CHST4: variants seen among roughly 807,000 people sequenced by gnomAD.
CHST4 encodes carbohydrate sulfotransferase 4, also known as GST-3.
For synonymous variants in CHST4, 171 were observed against 195.5 expected (o/e 0.87, Z 1.05); for missense variants, 466 against 506.0 (o/e 0.92, Z 0.76).
Position 71,537,960 on chromosome 16 carries a change from G to T in CHST4, c.*122G>T. 2 of 905,110 alleles carry T rather than the reference G, an allele frequency of 2.2e-6. No individual in the cohort carries two copies. The highest frequency in any genetic ancestry group is 3.4e-6 in the Non-Finnish European group (2 of 593,330). The allele number at this position is 905,110 out of a possible 1,614,324, so 56.1% of individuals were successfully genotyped here. ...TGTCTGTGGGTATCACACTGAGTGT[G>T]AGTTGTGTCCACACGTGCTCAAGCA... On this transcript the variant is annotated 3_prime_UTR_variant, in exon 2 of 2. Coordinates refer to ENST00000539698, the MANE Select transcript of CHST4 (RefSeq NM_001166395.2). The surrounding 1 kb of genome is among the most constrained non-coding windows in gnomAD (Gnocchi z 4.2).
chr16:71,537,860 GCCA>G lies in CHST4; in HGVS notation c.*25_*27del. 1 of 1,581,842 alleles carries G rather than the reference GCCA, an allele frequency of 6.3e-7. No individual in the cohort carries two copies. Among genetic ancestry groups the G allele is most frequent in the Non-Finnish European group, 8.6e-7 (1 of 1,164,378 alleles). ...CTAAGAGGGTTGAGAAGGCTTTGCT[GCCA>G]CCTGGTGTCAGCCTCAGTCACTTTC... On this transcript the variant is annotated 3_prime_UTR_variant, in exon 2 of 2. Coordinates refer to ENST00000539698, the MANE Select transcript of CHST4 (RefSeq NM_001166395.2). The surrounding 1 kb of genome is among the most constrained non-coding windows in gnomAD (Gnocchi z 4.2).
intron 1 of CHST4, 44 bp from the exon 2 acceptor site, chr16:71,536,616 T>A (rs1325353812): frequency 2.1e-5 from 28 of 1,347,426 alleles, no homozygotes; most frequent in Non-Finnish European, 2.7e-5. Flanking sequence ...AGGCAAACAA[T>A]AAAACAGCAG....
At chr16:71,533,426 C>CAA (rs11299179) in intron 1 of CHST4, among the ~76,000 whole-genome samples, 3 of 98,408 alleles carry the variant, frequency 3.0e-5, no homozygotes. Flanking sequence ...GACTCTGTCT[C>CAA]AAAAAAAAAA....
At chr16:71,534,610 G>A (rs932844685) in intron 1 of CHST4, among the ~76,000 whole-genome samples, 2 of 151,776 alleles carry the variant, frequency 1.3e-5, no homozygotes, top group African/African-American at 4.8e-5. Context: ...CACCCGCCTC[G>A]GCCTCCAAAA....
At chr16:71,526,796 C>T (rs1196216151) in intron 1 of CHST4, among the ~76,000 whole-genome samples, 2 of 152,178 alleles carry the variant, frequency 1.3e-5, no homozygotes, top group Non-Finnish European at 2.9e-5. Context: ...CCAACTGACT[C>T]GTTCAGATCC....
At chr16:71,528,371 A>G (rs939948302) in intron 1 of CHST4, among the ~76,000 whole-genome samples, 4 of 151,622 alleles carry the variant, frequency 2.6e-5, no homozygotes, top group Non-Finnish European at 5.9e-5. Context: ...TGGGTCTCAT[A>G]TAGTAAAAAA....
At chr16:71,529,543 ATTTTTTTT>A (rs1157747412) in intron 1 of CHST4, among the ~76,000 whole-genome samples, 4 of 41,360 alleles carry the variant, frequency 9.7e-5, no homozygotes, top group Admixed American at 3.6e-4. Context: ...ATGCTCATCT[ATTTTTTTT>A]TTTTTTTTTT....
At chr16:71,527,187 G>A (rs768583495) in intron 1 of CHST4, among the ~76,000 whole-genome samples, 13 of 152,174 alleles carry the variant, frequency 8.5e-5, no homozygotes, top group Admixed American at 3.9e-4. Context: ...TAGAAGATAC[G>A]TCTATCTTGC....
intron 1 of CHST4, among the ~76,000 whole-genome samples, chr16:71,532,100 T>C (rs1359045969): frequency 2.1e-5 from 3 of 144,424 alleles, no homozygotes; most frequent in African/African-American, 7.8e-5. Context: ...CAGGCTGGAG[T>C]GCAGTGGCGC....
chr16:71,532,987 C>T lies in CHST4; in HGVS notation c.-18-3673C>T, dbSNP rs1011466943. ...AATGCTCCCTAAGACATATTGACAA[C>T]TAAAAATAAAGGGCAGCACAGAACA... is the stretch of plus-strand genomic sequence containing the variant. On this transcript the variant is annotated intron_variant, in intron 1 of 1. Transcript: ENST00000539698. 6.6e-5 allele frequency among the ~76,000 whole-genome samples: 10 copies of T among 151,994 alleles called. No homozygotes were observed. In the South Asian group the frequency reaches 2.1e-3, roughly 32 times the overall value.
At chr16:71,529,506 T>C (rs2043931800) in intron 1 of CHST4, among the ~76,000 whole-genome samples, 1 of 151,416 alleles carries the variant, frequency 6.6e-6, no homozygotes, top group Non-Finnish European at 1.5e-5. Flanking sequence ...AGTTTTCTGC[T>C]TTCTAGCAAT....
In CHST4 at chr16:71,538,102, C is replaced by T. The variant is rs2044007251; in HGVS notation, c.*264C>T. On this transcript the variant is annotated 3_prime_UTR_variant, in exon 2 of 2. Coordinates refer to ENST00000539698, the MANE Select transcript of CHST4 (RefSeq NM_001166395.2). ...CTTCTTCTTTTCTTGATCTTCCTGTCTGGGCAGACTTCAGAGACTTTGTGG... is the reference window on the plus strand; with the variant it reads ...CTTCTTCTTTTCTTGATCTTCCTGTTTGGGCAGACTTCAGAGACTTTGTGG... 1.2e-5 allele frequency: 6 copies of T among 497,190 alleles called. No homozygotes were observed. The South Asian group carries it at 1.9e-4, about 16-fold the overall frequency. The allele number at this position is 497,190 out of a possible 1,614,324, so 30.8% of individuals were successfully genotyped here.
intron 1 of CHST4, among the ~76,000 whole-genome samples, chr16:71,529,942 G>A (rs1301983639): frequency 2.0e-5 from 3 of 152,152 alleles, no homozygotes; most frequent in African/African-American, 7.2e-5. Context: ...GAGGTCAGGG[G>A]TTCGAGACCA....
At chr16:71,534,415 T>C (rs1008266012) in intron 1 of CHST4, among the ~76,000 whole-genome samples, 8 of 146,968 alleles carry the variant, frequency 5.4e-5, no homozygotes, top group African/African-American at 2.0e-4. Context: ...TAGAGTGCAA[T>C]GGCACAATCT....
Position 71,537,732 on chromosome 16 carries a change from A to T in CHST4, c.1055A>T (p.Asp352Val). 1 of 1,614,258 alleles carries T rather than the reference A, an allele frequency of 6.2e-7. No homozygotes were observed. Among genetic ancestry groups the T allele is most frequent in the Non-Finnish European group, 8.5e-7 (1 of 1,180,040 alleles). ...KVSRLQKACGDAMNLLGYRHV... is the reference protein window; with the variant it reads ...KVSRLQKACGVAMNLLGYRHV... ...TCTCGACTTCAGAAAGCCTGTGGCG[A>T]TGCCATGAATTTGCTGGGCTACCGC... Residue 352 changes from aspartate to valine, a missense_variant, in exon 2 of 2, where the codon GAT becomes GTT. By Grantham distance (152) the Asp-to-Val change is radical. Coordinates refer to ENST00000539698, the MANE Select transcript of CHST4 (RefSeq NM_001166395.2). This position sits in a 1 kb window ranked among gnomAD's most constrained non-coding sequence, Gnocchi z 4.2.
Position 71,537,090 on chromosome 16 carries a change from G to A in CHST4, c.413G>A (p.Cys138Tyr), listed in dbSNP as rs1212911253. 12 of 1,614,146 alleles carry A rather than the reference G, an allele frequency of 7.4e-6. No individual in the cohort carries two copies. Among genetic ancestry groups the A allele is most frequent in the Non-Finnish European group, 1.0e-5 (12 of 1,180,028 alleles). ...NSRALCSAPA[C>Y]DIIPQDEIIP... ...CGGGCCCTGTGTTCTGCACCTGCCTGTGACATCATCCCACAAGATGAAATC... is the reference window on the plus strand; with the variant it reads ...CGGGCCCTGTGTTCTGCACCTGCCTATGACATCATCCCACAAGATGAAATC... The change falls in exon 2 of 2, where the codon TGT (cysteine) becomes TAT (tyrosine). Residue 138 changes from cysteine (C) to tyrosine (Y), a missense_variant. Physicochemically the swap from Cys to Tyr is radical, Grantham distance 194. Coordinates refer to ENST00000539698, the MANE Select transcript of CHST4 (RefSeq NM_001166395.2). The surrounding 1 kb of genome is among the most constrained non-coding windows in gnomAD (Gnocchi z 4.2).
chr16:71,533,445 A>T (rs572599640), intron 1 of CHST4, among the ~76,000 whole-genome samples: 1 of 149,560 alleles, frequency 6.7e-6, no homozygotes, highest in Non-Finnish European at 1.5e-5. Context: ...AAAAAAACAA[A>T]AAAAAAAACG....
In CHST4 at chr16:71,537,921, G is replaced by A. The variant is rs1597040174; in HGVS notation, c.*83G>A. The A allele has an allele frequency of 1.3e-5, 16 of 1,265,368 alleles. 1 individual carries two copies. Among genetic ancestry groups the A allele is most frequent in the Middle Eastern group, 3.9e-4 (2 of 5,138 alleles). The allele number at this position is 1,265,368 out of a possible 1,614,324, so 78.4% of individuals were successfully genotyped here. ...GCTTCTGAGCCTTGCCTACATCTCT[G>A]AGCCTTAACTACATGTCTGTGGGTA... On this transcript the variant is annotated 3_prime_UTR_variant, in exon 2 of 2. Coordinates refer to ENST00000539698, the MANE Select transcript of CHST4 (RefSeq NM_001166395.2). This position sits in a 1 kb window ranked among gnomAD's most constrained non-coding sequence, Gnocchi z 4.2.
Position 71,536,697 on chromosome 16 carries a change from T to G in CHST4, c.20T>G (p.Met7Arg), listed in dbSNP as rs765816053. The change falls in exon 2 of 2, where the codon ATG (methionine) becomes AGG (arginine). Residue 7 changes from methionine (M) to arginine (R), a missense_variant. Coordinates refer to ENST00000539698, the MANE Select transcript of CHST4 (RefSeq NM_001166395.2). MLLPKK[M>R]KLLLFLVSQM... is the part of the protein sequence containing the mutation. ...AGCACAATGCTACTGCCTAAAAAAA[T>G]GAAGCTCCTGCTGTTTCTGGTTTCC... The G allele has an allele frequency of 6.7e-7, 1 of 1,491,610 alleles. No individual in the cohort carries two copies. Among genetic ancestry groups the G allele is most frequent in the Admixed American group, 2.4e-5 (1 of 41,274 alleles). 92.4% of individuals were successfully genotyped at this position (1,491,610 alleles called of 1,614,324 possible).
Sources: allele counts gnomAD v4.1 joint callset (sites outside exome capture counted in the v4.1 genomes callset), GRCh38; gene constraint gnomAD v4.1.1; non-coding constraint Gnocchi (gnomAD v3.1); transcripts MANE v1.5; gene names NCBI Gene and HGNC (gene_info 2026-07-23, HGNC 2026-07-21).